Variants in SEPTIN7 observed in about 807,000 individuals in gnomAD.
SEPTIN7 encodes the protein septin 7.
Under a neutral mutation model 63.3 loss-of-function variants are expected in SEPTIN7, and 10 were observed. The observed-to-expected ratio is 0.16, with a 90% CI of 0.10 to 0.27. The LOEUF (loss-of-function observed/expected upper bound fraction) is 0.27, where lower values mean the gene tolerates loss of function less well. Ranked by LOEUF, SEPTIN7 falls within the 10% of genes least tolerant of loss-of-function variation. The pLI, the probability that SEPTIN7 is intolerant of heterozygous loss-of-function variation, is 1.00. For synonymous variants in SEPTIN7, 131 were observed against 165.3 expected (o/e 0.79, Z 1.59); for missense variants, 310 against 521.0 (o/e 0.59, Z 3.94).
At chr7:35,895,992 G>T (rs1359421236) in intron 11 of SEPTIN7, among the ~76,000 whole-genome samples, 1 of 152,082 alleles carries the variant, frequency 6.6e-6, no homozygotes, top group Non-Finnish European at 1.5e-5. Context: ...TGTATTTTTA[G>T]TAAAGATGGA....
At chr7:35,867,287 ATGT>A (rs1416057477) in intron 4 of SEPTIN7, among the ~76,000 whole-genome samples, 2 of 152,152 alleles carry the variant, frequency 1.3e-5, no homozygotes, top group Non-Finnish European at 2.9e-5. Flanking sequence ...ATTGCTTACA[ATGT>A]TGTATGTATG....
At chr7:35,851,637 G>A (rs1784965875) in intron 3 of SEPTIN7, among the ~76,000 whole-genome samples, 1 of 152,090 alleles carries the variant, frequency 6.6e-6, no homozygotes, top group Admixed American at 6.5e-5. Flanking sequence ...TTGTGTTTAA[G>A]TAGAGTTTGA....
chr7:35,915,136 C>CAT, the SEPTIN7 span, among the ~76,000 whole-genome samples: 1 of 151,156 alleles, frequency 6.6e-6, no homozygotes, highest in African/African-American at 2.4e-5. Context: ...TATATACATG[C>CAT]ATATACACAT....
chr7:35,828,309 A>G (rs1783622584), intron 1 of SEPTIN7, among the ~76,000 whole-genome samples: 1 of 152,054 alleles, frequency 6.6e-6, no homozygotes, highest in Non-Finnish European at 1.5e-5. Flanking sequence ...CATCCCTGAG[A>G]TGATCTTGGT....
chr7:35,829,178 C>G (rs1783689478), intron 1 of SEPTIN7, among the ~76,000 whole-genome samples: 1 of 134,068 alleles, frequency 7.5e-6, no homozygotes, highest in African/African-American at 2.9e-5. Context: ...CTCTGTCATC[C>G]AGGCAGGAGT....
intron 3 of SEPTIN7, among the ~76,000 whole-genome samples, chr7:35,859,369 G>C (rs1785381421): frequency 6.6e-6 from 1 of 152,032 alleles, no homozygotes; most frequent in South Asian, 2.1e-4. Flanking sequence ...AAAATGCTTT[G>C]TTTGATTTCA....
chr7:35,864,378 A>G (rs1166350406), intron 4 of SEPTIN7, among the ~76,000 whole-genome samples: 1 of 152,136 alleles, frequency 6.6e-6, no homozygotes, highest in African/African-American at 2.4e-5. Flanking sequence ...ATGCTGCTGG[A>G]TGGTAGATCA....
intron 6 of SEPTIN7, among the ~76,000 whole-genome samples, chr7:35,876,098 GTTTAATTT>G (rs1265077879): frequency 1.3e-5 from 2 of 151,996 alleles, no homozygotes; most frequent in African/African-American, 4.8e-5. Context: ...TTTTCCTAAA[GTTTAATTT>G]TTAAACTGAC....
At chr7:35,907,136 G>A (rs142676819), downstream of SEPTIN7, 9 of 152,326 alleles carry the variant, frequency 5.9e-5, no homozygotes, top group South Asian at 1.0e-3. Flanking sequence ...TACTTTGCAC[G>A]TTGGAGGCCA....
intron 3 of SEPTIN7, among the ~76,000 whole-genome samples, chr7:35,841,810 A>G (rs1320842767): frequency 1.3e-5 from 2 of 152,190 alleles, no homozygotes; most frequent in African/African-American, 4.8e-5. Context: ...CTCATTTAGT[A>G]TGTAGTTTTC....
chr7:35,837,409 G>T (rs983169699), intron 3 of SEPTIN7, among the ~76,000 whole-genome samples: 2 of 152,044 alleles, frequency 1.3e-5, no homozygotes, highest in African/African-American at 4.8e-5. Context: ...ATCATTCTTG[G>T]TCATATTGTC....
At chr7:35,835,686 A>C (rs1359650904) in intron 3 of SEPTIN7, among the ~76,000 whole-genome samples, 1 of 152,192 alleles carries the variant, frequency 6.6e-6, no homozygotes, top group Non-Finnish European at 1.5e-5. Context: ...AGAACTAGAG[A>C]ACTTAAATAG....
chr7:35,879,654 G>A, intron 6 of SEPTIN7, 169 bp from the exon 7 acceptor site: 1 of 554,188 alleles, frequency 1.8e-6, no homozygotes, highest in Non-Finnish European at 3.4e-6. Flanking sequence ...CCACTCCAAT[G>A]CTTCTTGAAG....
chr7:35,878,910 C>T (rs572984263), intron 6 of SEPTIN7, among the ~76,000 whole-genome samples: 187 of 152,210 alleles, frequency 1.2e-3, no homozygotes, highest in African/African-American at 3.6e-3. Context: ...ATTTGGAAGT[C>T]AGTTGACCAA....
intron 3 of SEPTIN7, among the ~76,000 whole-genome samples, chr7:35,840,434 A>G: frequency 6.6e-6 from 1 of 151,040 alleles, no homozygotes; most frequent in Middle Eastern, 3.2e-3. Context: ...AATTAAAAAA[A>G]TAAAAATAAA....
intron 1 of SEPTIN7, among the ~76,000 whole-genome samples, chr7:35,826,714 A>T (rs1783534208): frequency 6.6e-6 from 1 of 152,076 alleles, no homozygotes; most frequent in South Asian, 2.1e-4. Context: ...ACTCCCCTTG[A>T]TCAATTTTTT....
chr7:35,834,447 T>C (rs918280002), intron 3 of SEPTIN7, among the ~76,000 whole-genome samples: 3 of 152,062 alleles, frequency 2.0e-5, no homozygotes, highest in Admixed American at 6.6e-5. Flanking sequence ...ATTCAGTCTC[T>C]AGATGTATAT....
At chr7:35,806,529 A>G (rs2115655868) in intron 1 of SEPTIN7, among the ~76,000 whole-genome samples, 1 of 152,322 alleles carries the variant, frequency 6.6e-6, no homozygotes, top group East Asian at 1.9e-4. Context: ...CTTATCAAGT[A>G]ACTTCATTAT....
At chr7:35,845,032 TG>T (rs2116005062) in intron 3 of SEPTIN7, among the ~76,000 whole-genome samples, 1 of 152,180 alleles carries the variant, frequency 6.6e-6, no homozygotes, top group Admixed American at 6.5e-5. Flanking sequence ...GAGACGACCC[TG>T]GGCAACAGAG....
Sources: gnomAD v4.1 joint callset for allele counts (sites outside exome capture counted in the v4.1 genomes callset) on GRCh38, gnomAD v4.1.1 for gene constraint, MANE v1.5 for transcripts, NCBI Gene and HGNC (gene_info 2026-07-23, HGNC 2026-07-21) for gene names.